ODAD2: variants seen among roughly 807,000 people sequenced by gnomAD.
ODAD2 encodes outer dynein arm docking complex subunit 2, also known as outer dynein arm-docking complex subunit 2.
Under a neutral mutation model 106.8 loss-of-function variants are expected in ODAD2, and 89 were observed. The observed-to-expected ratio is 0.83, with a 90% CI of 0.70 to 0.99. ODAD2 has a LOEUF of 0.99. ODAD2 is among the 50% of genes least tolerant of loss of function. The probability of loss-of-function intolerance (pLI) is 0.00; values close to 1 mark genes in which losing one functional copy is unlikely to be tolerated. For missense variants in ODAD2, 1,168 were observed against 1,238.5 expected, an observed-to-expected ratio of 0.94 and a Z score of 0.85; for synonymous variants, 404 against 436.2, an observed-to-expected ratio of 0.93 and a Z score of 0.92.
chr10:27,931,111 G>T (rs1427923102), intron 16 of ODAD2, among the ~76,000 whole-genome samples: 1 of 151,608 alleles, frequency 6.6e-6, no homozygotes, highest in Non-Finnish European at 1.5e-5. Context: ...CCTAATCTCT[G>T]CTCTCTTAAA....
At chr10:27,878,719 A>G (rs1841511876) in intron 17 of ODAD2, among the ~76,000 whole-genome samples, 1 of 152,200 alleles carries the variant, frequency 6.6e-6, no homozygotes, top group African/African-American at 2.4e-5. Flanking sequence ...TCTTGTCGTC[A>G]AAAGTATACT....
chr10:27,843,620 T>G (rs1196718946), intron 19 of ODAD2, among the ~76,000 whole-genome samples: 1 of 151,946 alleles, frequency 6.6e-6, no homozygotes, highest in Non-Finnish European at 1.5e-5. Context: ...AGAAAAAAAT[T>G]AGCTGGGTGT....
chr10:27,866,323 G>A (rs565900531), intron 17 of ODAD2, among the ~76,000 whole-genome samples: 23 of 152,294 alleles, frequency 1.5e-4, no homozygotes, highest in Middle Eastern at 3.4e-3. Flanking sequence ...TTTGATTCCA[G>A]ATCTGTCTGA....
At chr10:27,864,388 A>G (rs1282903216) in intron 17 of ODAD2, among the ~76,000 whole-genome samples, 1 of 146,548 alleles carries the variant, frequency 6.8e-6, no homozygotes, top group African/African-American at 2.5e-5. Context: ...GATGCAGATG[A>G]ATGTATGGGC....
intron 19 of ODAD2, among the ~76,000 whole-genome samples, chr10:27,822,152 A>G (rs1836662867): frequency 6.6e-6 from 1 of 152,232 alleles, no homozygotes; most frequent in African/African-American, 2.4e-5. Flanking sequence ...GCTGTGACCC[A>G]CAGTTCACAT....
chr10:27,814,876 G>A (rs1180166466), intron 19 of ODAD2, among the ~76,000 whole-genome samples: 1 of 152,204 alleles, frequency 6.6e-6, no homozygotes, highest in Admixed American at 6.5e-5. Flanking sequence ...TCAACAACAA[G>A]GCAAATCCAT....
At chr10:27,885,524 A>T (rs866182842) in intron 17 of ODAD2, among the ~76,000 whole-genome samples, 4 of 15,164 alleles carry the variant, frequency 2.6e-4, no homozygotes, top group Non-Finnish European at 3.0e-4. Context: ...AAAAAAAAAA[A>T]AAAAAAAAAA....
intron 17 of ODAD2, among the ~76,000 whole-genome samples, chr10:27,893,805 C>T (rs562757246): frequency 1.3e-5 from 2 of 152,236 alleles, no homozygotes; most frequent in African/African-American, 4.8e-5. Context: ...GCTGGATGCC[C>T]CAGCATATTC....
chr10:27,896,416 G>A (rs915330008), intron 17 of ODAD2, among the ~76,000 whole-genome samples: 2 of 152,172 alleles, frequency 1.3e-5, no homozygotes, highest in African/African-American at 2.4e-5. Flanking sequence ...TCAATGGGTA[G>A]GCAATATTCA....
chr10:27,884,522 G>A (rs1432792004), intron 17 of ODAD2, among the ~76,000 whole-genome samples: 2 of 152,118 alleles, frequency 1.3e-5, no homozygotes, highest in Non-Finnish European at 2.9e-5. Context: ...AGTGGAAGTT[G>A]CTTGCCATGT....
In ODAD2 at chr10:27,935,009, C is replaced by T. The variant is rs879253744; in HGVS notation, c.2495+1G>A. On this transcript the variant is annotated splice_donor_variant, in intron 16 of 19. Transcript: ENST00000305242. LOFTEE classifies it high-confidence loss of function. ...ATCTTTCCATCTCCAGGGCCACTTA[C>T]ATCATACTTTCAGGTTCTACTGCAC... is the stretch of plus-strand genomic sequence containing the variant. 6 of 1,613,898 alleles carry T rather than the reference C, an allele frequency of 3.7e-6. No individual in the cohort carries two copies. Among genetic ancestry groups the T allele is most frequent in the African/African-American group, 1.3e-5 (1 of 75,028 alleles).
intron 17 of ODAD2, among the ~76,000 whole-genome samples, chr10:27,878,696 C>T (rs1841509579): frequency 1.3e-5 from 2 of 152,104 alleles, no homozygotes; most frequent in Admixed American, 1.3e-4. Flanking sequence ...GAAGTGAAAA[C>T]TGAACGGGCA....
chr10:27,867,440 C>T (rs114271413), intron 17 of ODAD2, among the ~76,000 whole-genome samples: 2,527 of 152,182 alleles, frequency 0.017, 77 homozygotes, highest in African/African-American at 0.058. Flanking sequence ...AGAAGAGAAA[C>T]TACACGGAAT....
At chr10:27,943,362 G>A (rs1305370284) in intron 12 of ODAD2, among the ~76,000 whole-genome samples, 1 of 151,586 alleles carries the variant, frequency 6.6e-6, no homozygotes, top group Non-Finnish European at 1.5e-5. Context: ...CAATTTGTGT[G>A]TTTATTTCTA....
chr10:27,913,117 T>C (rs542792264), intron 16 of ODAD2, among the ~76,000 whole-genome samples: 2 of 152,284 alleles, frequency 1.3e-5, no homozygotes, highest in African/African-American at 4.8e-5. Flanking sequence ...TATCATATAG[T>C]AAATATGTTT....
intron 14 of ODAD2, among the ~76,000 whole-genome samples, chr10:27,937,735 T>TA: frequency 1.3e-5 from 2 of 152,262 alleles, no homozygotes; most frequent in Middle Eastern, 6.8e-3. Flanking sequence ...GAAATCCTCA[T>TA]CACAGTGCAC....
chr10:27,821,517 A>G (rs1015199785), intron 19 of ODAD2, among the ~76,000 whole-genome samples: 3 of 152,192 alleles, frequency 2.0e-5, no homozygotes, highest in African/African-American at 4.8e-5. Context: ...TCTTTAAACT[A>G]AGGCACTAGT....
At chr10:27,976,705 C>T (rs1260895307) in intron 7 of ODAD2, among the ~76,000 whole-genome samples, 9 of 152,092 alleles carry the variant, frequency 5.9e-5, no homozygotes, top group Admixed American at 6.5e-5. Context: ...CAATCTCAAC[C>T]GTAATTCCAT....
chr10:27,869,214 G>A (rs1840674352), intron 17 of ODAD2, among the ~76,000 whole-genome samples: 1 of 152,084 alleles, frequency 6.6e-6, no homozygotes. Flanking sequence ...AATAGAAGAT[G>A]TGAAAACTGA....
Sources: allele counts gnomAD v4.1 joint callset (sites outside exome capture counted in the v4.1 genomes callset), GRCh38; gene constraint gnomAD v4.1.1; transcripts MANE v1.5; gene names NCBI Gene and HGNC (gene_info 2026-07-23, HGNC 2026-07-21).